The following OVOL1 variants were observed in gnomAD, a reference collection of about 807,000 sequenced individuals.
OVOL1 encodes putative transcription factor Ovo-like 1.
In OVOL1, 10 loss-of-function variants were observed where a neutral mutation model predicts 21.5. The ratio of observed to expected loss-of-function variants is 0.46; its 90% CI spans 0.29 to 0.79. The LOEUF is 0.79. OVOL1 is among the 30% of genes least tolerant of loss of function. The pLI is 0.10. For missense variants in OVOL1, 279 were observed against 362.3 expected (o/e 0.77, Z 1.87); for synonymous variants, 129 against 150.3 (o/e 0.86, Z 1.03).
In OVOL1 at chr11:65,796,613, T is replaced by C. The variant is rs1227650768; in HGVS notation, c.*1272T>C. The C allele has an allele frequency of 1.3e-5, 2 of 152,238 alleles. No individual in the cohort carries two copies. Among genetic ancestry groups the C allele is most frequent in the Non-Finnish European group, 2.9e-5 (2 of 68,084 alleles). The allele number at this position is 152,238 out of a possible 1,614,324, so 9.4% of individuals were successfully genotyped here. On this transcript the variant is annotated 3_prime_UTR_variant, in exon 4 of 4. Coordinates refer to ENST00000335987, the MANE Select transcript of OVOL1 (RefSeq NM_004561.4). ...GCTACCAAATTGTATCTGTTGCCTTTTTTCTGACTTTTTCACCTGACCAGG... is the reference window on the plus strand; with the variant it reads ...GCTACCAAATTGTATCTGTTGCCTTCTTTCTGACTTTTTCACCTGACCAGG...
At chr11:65,792,609 AGGCCAGGCCGG>A (rs1396944719) in intron 1 of OVOL1, among the ~76,000 whole-genome samples, 4 of 152,200 alleles carry the variant, frequency 2.6e-5, no homozygotes, top group African/African-American at 9.6e-5. Context: ...GCCAGCCCAG[AGGCCAGGCCGG>A]GGCCAGGCGC....
rs1246657485 is a variant in OVOL1 at position 65,795,534 on chromosome 11, G to C, written c.*193G>C. On this transcript the variant is annotated 3_prime_UTR_variant, in exon 4 of 4. Coordinates refer to ENST00000335987, the MANE Select transcript of OVOL1 (RefSeq NM_004561.4). The surrounding 1 kb of genome is among the most constrained non-coding windows in gnomAD (Gnocchi z 5.7). ...CCAGCAATGACCTCTGCTCATTTTT[G>C]CATTTTTGACTTATGGGCCGAGGCT... is the stretch of plus-strand genomic sequence containing the variant. 18 of 608,458 alleles carry C rather than the reference G, an allele frequency of 3.0e-5. No individual in the cohort carries two copies. The highest frequency in any genetic ancestry group is 3.5e-5 in the Non-Finnish European group (12 of 344,270). The allele number at this position is 608,458 out of a possible 1,614,324, so 37.7% of individuals were successfully genotyped here. A position where few individuals can be genotyped will look rare whatever the true frequency, so the allele number is the denominator to read the frequency against.
Position 65,795,007 on chromosome 11 carries a change from C to G in OVOL1, c.509-39C>G, listed in dbSNP as rs1410867472. 6.3e-7 allele frequency: 1 copy of G among 1,596,128 alleles called. No individual in the cohort carries two copies. The highest frequency in any genetic ancestry group is 1.7e-5 in the Admixed American group (1 of 59,068). On this transcript the variant is annotated intron_variant, in intron 3 of 3. Coordinates refer to ENST00000335987, the MANE Select transcript of OVOL1 (RefSeq NM_004561.4). The surrounding 1 kb of genome is among the most constrained non-coding windows in gnomAD (Gnocchi z 5.7). ...AAGCAGCCGACAGCCTCTGAAGTCCCTGCCAGGTCTCTGATGCTGGCCCCT... is the reference window on the plus strand; with the variant it reads ...AAGCAGCCGACAGCCTCTGAAGTCCGTGCCAGGTCTCTGATGCTGGCCCCT...
chr11:65,788,445 G>T (rs1857947107), intron 1 of OVOL1: 3 of 983,874 alleles, frequency 3.0e-6, no homozygotes, highest in Non-Finnish European at 3.6e-6. Context: ...GGGCGTGGAC[G>T]CTCTGAACGC....
chr11:65,787,960 C>G (rs1857936582), intron 1 of OVOL1, among the ~76,000 whole-genome samples: 1 of 152,164 alleles, frequency 6.6e-6, no homozygotes, highest in Non-Finnish European at 1.5e-5. Context: ...ACAGGTCCTT[C>G]CTCCTCCCCC....
Position 65,794,664 on chromosome 11 carries a change from A to C in OVOL1, c.445A>C (p.Thr149Pro). ...CHNDVKRHLCTYCGKGFNDTF... is the reference protein window; with the variant it reads ...CHNDVKRHLCPYCGKGFNDTF... ...CAACGACGTCAAGAGGCACCTCTGC[A>C]CGTACTGCGGGAAGGGCTTCAATGA... The change falls in exon 3 of 4, where the codon ACG becomes CCG. Residue 149 changes from threonine to proline, a missense_variant. Coordinates refer to ENST00000335987, the MANE Select transcript of OVOL1 (RefSeq NM_004561.4). 1 of 1,613,754 alleles carries C rather than the reference A, an allele frequency of 6.2e-7. No homozygotes were observed. Among genetic ancestry groups the C allele is most frequent in the Non-Finnish European group, 8.5e-7 (1 of 1,180,024 alleles).
chr11:65,792,616 G>C (rs1858043234), intron 1 of OVOL1, among the ~76,000 whole-genome samples: 1 of 152,214 alleles, frequency 6.6e-6, no homozygotes, highest in Non-Finnish European at 1.5e-5. Context: ...CAGAGGCCAG[G>C]CCGGGGCCAG....
At chr11:65,789,526 T>A in intron 1 of OVOL1, 1 of 235,596 alleles carries the variant, frequency 4.2e-6, no homozygotes, top group Non-Finnish European at 6.9e-6. Flanking sequence ...CCACAGTTTT[T>A]GGCAATGAGA....
chr11:65,795,039 C>T lies in OVOL1; in HGVS notation c.509-7C>T. 7 of 1,610,916 alleles carry T rather than the reference C, an allele frequency of 4.3e-6. No homozygotes were observed. The highest frequency in any genetic ancestry group is 5.9e-6 in the Non-Finnish European group (7 of 1,179,160). On this transcript the variant is annotated splice_region_variant and splice_polypyrimidine_tract_variant and intron_variant, in intron 3 of 3. Coordinates refer to ENST00000335987, the MANE Select transcript of OVOL1 (RefSeq NM_004561.4). The surrounding 1 kb of genome is among the most constrained non-coding windows in gnomAD (Gnocchi z 5.7). ...GTCTCTGATGCTGGCCCCTGTCCTC[C>T]CCACAGGCGTGCGGCCCTACAAGTG...
intron 1 of OVOL1, chr11:65,791,003 G>T (rs1213412410): frequency 6.6e-6 from 1 of 152,656 alleles, no homozygotes; most frequent in Non-Finnish European, 1.5e-5. Context: ...TGCCTGGCTG[G>T]GTGGGGGCTG....
chr11:65,788,081 G>A (rs187947349), intron 1 of OVOL1, among the ~76,000 whole-genome samples: 34 of 152,322 alleles, frequency 2.2e-4, no homozygotes, highest in Admixed American at 3.9e-4. Flanking sequence ...GAGACGGTGG[G>A]ACAGGCGCCC....
chr11:65,788,427 TGGGGGCG>T lies in OVOL1; in HGVS notation c.100+958_100+964del, dbSNP rs1446446855. On this transcript the variant is annotated intron_variant, in intron 1 of 3. Transcript: ENST00000335987. The stretch of plus-strand genomic sequence containing the variant: ...TTCCGAACGCCCCCTCCCCAGGCCT[TGGGGGCG>T]GGGCGTGGACGCTCTGAACGCCCAG... 8 of 982,848 alleles carry T rather than the reference TGGGGGCG, an allele frequency of 8.1e-6. No homozygotes were observed. The African/African-American group carries it at 1.4e-4, about 17-fold the overall frequency. 60.9% of individuals were successfully genotyped at this position (982,848 alleles called of 1,614,324 possible).
At chr11:65,788,904 T>C in intron 1 of OVOL1, 1 of 986,248 alleles carries the variant, frequency 1.0e-6, no homozygotes, top group South Asian at 4.7e-5. Context: ...CCTGGTGAGC[T>C]GGCTGGTTCT....
At chr11:65,789,223 T>C (rs1300043000) in intron 1 of OVOL1, 1 of 305,338 alleles carries the variant, frequency 3.3e-6, no homozygotes, top group Non-Finnish European at 4.8e-6. Flanking sequence ...ACACTTCCAG[T>C]GGCCACAGTG....
chr11:65,789,804 TC>T, intron 1 of OVOL1: 1 of 635,596 alleles, frequency 1.6e-6, no homozygotes, highest in Non-Finnish European at 2.0e-6. Context: ...CCTCAAAGCC[TC>T]CCAGAAGGTT....
At chr11:65,789,744 G>A in intron 1 of OVOL1, 1 of 975,208 alleles carries the variant, frequency 1.0e-6, no homozygotes, top group Non-Finnish European at 1.2e-6. Context: ...GAGGGCCCAG[G>A]AATGTGGGAG....
Position 65,795,478 on chromosome 11 carries a change from C to A in OVOL1, c.*137C>A. 1.3e-6 allele frequency: 1 copy of A among 792,052 alleles called. No individual in the cohort carries two copies. The highest frequency in any genetic ancestry group is 1.7e-5 in the South Asian group (1 of 58,296). 49.1% of individuals were successfully genotyped at this position (792,052 alleles called of 1,614,324 possible). On this transcript the variant is annotated 3_prime_UTR_variant, in exon 4 of 4. Transcript: ENST00000335987. This position sits in a 1 kb window ranked among gnomAD's most constrained non-coding sequence, Gnocchi z 5.7. ...AGGACTGGAGCCCCCGTGCCTTGGTCTCCCCCCTGGGCACACGTGCTCACT... is the reference window on the plus strand; with the variant it reads ...AGGACTGGAGCCCCCGTGCCTTGGTATCCCCCCTGGGCACACGTGCTCACT...
In OVOL1 at chr11:65,794,743, C is replaced by T. The variant is rs201630903; in HGVS notation, c.508+16C>T. On this transcript the variant is annotated intron_variant, in intron 3 of 3. Coordinates refer to ENST00000335987, the MANE Select transcript of OVOL1 (RefSeq NM_004561.4). ...ACTCACACTGGTAAGTGGAAGCCCA[C>T]GGCTGGGAGGAGCACGCCGGATCCG... 57 of 1,610,894 alleles carry T rather than the reference C, an allele frequency of 3.5e-5. No homozygotes were observed. Among genetic ancestry groups the T allele is most frequent in the South Asian group, 1.6e-4 (15 of 91,056 alleles).
At chr11:65,793,637 T>A (rs563747711) in intron 1 of OVOL1, 1 of 270,162 alleles carries the variant, frequency 3.7e-6, no homozygotes, top group Non-Finnish European at 7.1e-6. Flanking sequence ...CTGATGAGGC[T>A]CCAAGAGCTG....
Sources: allele counts gnomAD v4.1 joint callset (sites outside exome capture counted in the v4.1 genomes callset), GRCh38; gene constraint gnomAD v4.1.1; non-coding constraint Gnocchi (gnomAD v3.1); transcripts MANE v1.5; gene names NCBI Gene and HGNC (gene_info 2026-07-23, HGNC 2026-07-21).